Variants in CHTF8 observed in about 807,000 individuals in gnomAD.
The protein encoded by CHTF8 is chromosome transmission fidelity factor 8, also known as chromosome transmission fidelity protein 8 homolog.
A neutral mutation model predicts 11.0 loss-of-function variants in CHTF8; 6 were observed. The ratio of observed to expected loss-of-function variants is 0.55; its 90% CI spans 0.30 to 1.08. The LOEUF (loss-of-function observed/expected upper bound fraction) is 1.08, where lower values mean the gene tolerates loss of function less well. Among genes scored for constraint, CHTF8 ranks in the 50% least tolerant of loss-of-function variants. The pLI is 0.07. For missense variants in CHTF8, 140 were observed against 153.1 expected, an observed-to-expected ratio of 0.91 and a Z score of 0.45; for synonymous variants, 53 against 60.5, an observed-to-expected ratio of 0.88 and a Z score of 0.57.
intron 1 of CHTF8, among the ~76,000 whole-genome samples, chr16:69,127,816 G>A (rs1442078652): frequency 6.6e-6 from 1 of 151,876 alleles, no homozygotes; most frequent in Non-Finnish European, 1.5e-5. Flanking sequence ...CACCATCTTG[G>A]CCAGGCTAGT....
Position 69,118,483 on chromosome 16 carries a change from C to A in CHTF8, c.*1942G>T. 1.4e-6 allele frequency: 2 copies of A among 1,393,744 alleles called. No individual in the cohort carries two copies. The highest frequency in any genetic ancestry group is 2.0e-6 in the Non-Finnish European group (2 of 978,402). The allele number at this position is 1,393,744 out of a possible 1,614,324, so 86.3% of individuals were successfully genotyped here. On this transcript the variant is annotated 3_prime_UTR_variant, in exon 4 of 4. Transcript: ENST00000448552. ...AGTGAGCTGATTCTCCAATGGTGAG[C>A]AGGGGACTACATGTGAACTGGGACC...
chr16:69,121,187 G>A lies in CHTF8; in HGVS notation c.24-17C>T. On this transcript the variant is annotated splice_polypyrimidine_tract_variant and intron_variant, in intron 2 of 3. Coordinates refer to ENST00000448552, the MANE Select transcript of CHTF8 (RefSeq NM_001039690.5). The stretch of plus-strand genomic sequence containing the variant: ...GCCCTCGCACTGCAAGCAAAGGGCT[G>A]GCGGTTACAATATTTTTGAGGGGTG... 6.2e-7 allele frequency: 1 copy of A among 1,605,188 alleles called. No homozygotes were observed. Among genetic ancestry groups the A allele is most frequent in the Non-Finnish European group, 8.5e-7 (1 of 1,173,728 alleles).
At chr16:69,122,089 A>C (rs1447417846) in intron 1 of CHTF8, among the ~76,000 whole-genome samples, 1 of 152,106 alleles carries the variant, frequency 6.6e-6, no homozygotes, top group African/African-American at 2.4e-5. Flanking sequence ...CCTGGCCGAC[A>C]ACTAATATTT....
intron 1 of CHTF8, among the ~76,000 whole-genome samples, chr16:69,128,691 G>A (rs546984977): frequency 1.3e-5 from 2 of 152,198 alleles, no homozygotes; most frequent in South Asian, 4.1e-4. Flanking sequence ...AAAAGCTTTG[G>A]CTGTAATCAG....
In CHTF8 at chr16:69,120,954, A is replaced by T; in HGVS notation, c.141+99T>A. On this transcript the variant is annotated intron_variant, in intron 3 of 3. Transcript: ENST00000448552. The surrounding 1 kb of genome is among the most constrained non-coding windows in gnomAD (Gnocchi z 4.0). ...ATCGCAGATTAGCTAGGCCTTGAAT[A>T]ACAAACCTGAGGCAGTCCTCACTCT... 1 of 1,020,022 alleles carries T rather than the reference A, an allele frequency of 9.8e-7. No individual in the cohort carries two copies. Among genetic ancestry groups the T allele is most frequent in the Non-Finnish European group, 1.6e-6 (1 of 637,264 alleles). The allele number at this position is 1,020,022 out of a possible 1,614,324, so 63.2% of individuals were successfully genotyped here. A position where few individuals can be genotyped will look rare whatever the true frequency, so the allele number is the denominator to read the frequency against.
intron 1 of CHTF8, among the ~76,000 whole-genome samples, chr16:69,131,653 C>G: frequency 6.7e-6 from 1 of 148,668 alleles, no homozygotes; most frequent in Non-Finnish European, 1.5e-5. Context: ...ACCCCTTTTC[C>G]TGCCTCCCAG....
intron 1 of CHTF8, 30 bp downstream of exon 1, chr16:69,132,454 G>T: frequency 5.7e-6 from 1 of 176,350 alleles, no homozygotes; most frequent in Non-Finnish European, 1.1e-5. Context: ...GCTCCCCGCA[G>T]CCTCCCGTGC....
At position 69,118,835 on chromosome 16, in the gene CHTF8, C is replaced by A; in HGVS notation, c.*1590G>T. ...CACAGTGCCTAGAAACCAAGGTGGTCCTGGAGGGAAAATGGTGTTTAAGGG... is the reference window on the plus strand; with the variant it reads ...CACAGTGCCTAGAAACCAAGGTGGTACTGGAGGGAAAATGGTGTTTAAGGG... On this transcript the variant is annotated 3_prime_UTR_variant, in exon 4 of 4. Transcript: ENST00000448552. 1.4e-6 allele frequency: 1 copy of A among 693,198 alleles called. No homozygotes were observed. The highest frequency in any genetic ancestry group is 1.5e-5 in the South Asian group (1 of 65,830). 42.9% of individuals were successfully genotyped at this position (693,198 alleles called of 1,614,324 possible). A position where few individuals can be genotyped will look rare whatever the true frequency, so the allele number is the denominator to read the frequency against.
At chr16:69,127,099 G>A (rs1168099248) in intron 1 of CHTF8, among the ~76,000 whole-genome samples, 3 of 152,098 alleles carry the variant, frequency 2.0e-5, no homozygotes, top group Non-Finnish European at 2.9e-5. Flanking sequence ...TTAGCCGCGC[G>A]TGGTGGCGGG....
rs759649969 is a variant in CHTF8, at chr16:69,120,048, G to GGGGCCT, written c.*371_*376dup. On this transcript the variant is annotated 3_prime_UTR_variant, in exon 4 of 4. Coordinates refer to ENST00000448552, the MANE Select transcript of CHTF8 (RefSeq NM_001039690.5). This position sits in a 1 kb window ranked among gnomAD's most constrained non-coding sequence, Gnocchi z 4.0. Reference sequence around the variant, plus strand: ...GAGCCCCTGTCCTAGGGTTTAGGGTGGGGCCTGGGCCTGGGCCTGGCCCCA... The same window carrying GGGGCCT: ...GAGCCCCTGTCCTAGGGTTTAGGGTGGGGCCTGGGCCTGGGCCTGGGCCTGGCCCCA... The GGGGCCT allele has an allele frequency of 1.9e-4, 132 of 689,234 alleles. No individual in the cohort carries two copies. The East Asian group carries it at 2.4e-3, about 13-fold the overall frequency. 42.7% of individuals were successfully genotyped at this position (689,234 alleles called of 1,614,324 possible).
chr16:69,128,610 T>C (rs894244264), intron 1 of CHTF8, among the ~76,000 whole-genome samples: 1 of 152,148 alleles, frequency 6.6e-6, no homozygotes. Flanking sequence ...AGGAAACTTT[T>C]TTCCCCTCAA....
chr16:69,122,448 C>T (rs913487256), intron 1 of CHTF8, among the ~76,000 whole-genome samples: 4 of 151,620 alleles, frequency 2.6e-5, no homozygotes, highest in African/African-American at 9.7e-5. Context: ...TCTCGGCTCA[C>T]TGCAACCTCT....
At chr16:69,123,055 G>A (rs1029884773) in intron 1 of CHTF8, among the ~76,000 whole-genome samples, 2 of 151,978 alleles carry the variant, frequency 1.3e-5, no homozygotes, top group African/African-American at 2.4e-5. Flanking sequence ...CACTGCACCC[G>A]GCCTCTTACT....
At chr16:69,127,601 CTT>C (rs71383961) in intron 1 of CHTF8, among the ~76,000 whole-genome samples, 1,645 of 104,318 alleles carry the variant, frequency 0.016, 7 homozygotes, top group African/African-American at 0.054. Context: ...CTCCCGGCAA[CTT>C]TTTTTTTTTT....
At chr16:69,129,417 G>A (rs1322287629) in intron 1 of CHTF8, among the ~76,000 whole-genome samples, 7 of 126,130 alleles carry the variant, frequency 5.5e-5, no homozygotes, top group South Asian at 2.6e-4. Context: ...GCAACAGAGC[G>A]AGACTCCGTC....
At chr16:69,131,710 G>A (rs976566801) in intron 1 of CHTF8, among the ~76,000 whole-genome samples, 17 of 150,084 alleles carry the variant, frequency 1.1e-4, no homozygotes, top group African/African-American at 4.2e-4. Flanking sequence ...CCACTGGAGT[G>A]GTCTTCCAAA....
At position 69,120,379 on chromosome 16, in the gene CHTF8, C is replaced by A; in HGVS notation, c.*46G>T. 1.3e-6 allele frequency: 2 copies of A among 1,588,764 alleles called. No homozygotes were observed. The highest frequency in any genetic ancestry group is 2.2e-5 in the South Asian group (2 of 90,588). ...CCGTCCTCGAGGTGGCAGCGGAGCA[C>A]GAGTCCAAGGAGTTGGCCGCTCTCT... On this transcript the variant is annotated 3_prime_UTR_variant, in exon 4 of 4. Transcript: ENST00000448552. This position sits in a 1 kb window ranked among gnomAD's most constrained non-coding sequence, Gnocchi z 4.0.
chr16:69,129,429 C>CAAAAAAA (rs11420871), intron 1 of CHTF8, among the ~76,000 whole-genome samples: 1 of 75,580 alleles, frequency 1.3e-5, no homozygotes, highest in African/African-American at 4.9e-5. Flanking sequence ...GACTCCGTCA[C>CAAAAAAA]AAAAAAAAAA....
rs770376262 is a variant in CHTF8 at position 69,119,375 on chromosome 16, C to A, written c.*1050G>T. 4.3e-6 allele frequency: 3 copies of A among 703,004 alleles called. No individual in the cohort carries two copies. The highest frequency in any genetic ancestry group is 7.8e-6 in the Non-Finnish European group (3 of 384,970). The allele number at this position is 703,004 out of a possible 1,614,324, so 43.5% of individuals were successfully genotyped here. On this transcript the variant is annotated 3_prime_UTR_variant, in exon 4 of 4. Coordinates refer to ENST00000448552, the MANE Select transcript of CHTF8 (RefSeq NM_001039690.5). ...TTGGCATTTACCCCCATGGGGCCAA[C>A]TGGCCTTGAGAAATGAGCTGAATTA...
Sources: allele counts gnomAD v4.1 joint callset (sites outside exome capture counted in the v4.1 genomes callset), GRCh38; gene constraint gnomAD v4.1.1; non-coding constraint Gnocchi (gnomAD v3.1); transcripts MANE v1.5; gene names NCBI Gene and HGNC (gene_info 2026-07-23, HGNC 2026-07-21).